ABCB5: variants seen among roughly 807,000 people sequenced by gnomAD.
ABCB5 encodes the protein ATP-binding cassette sub-family B member 5.
In ABCB5, 155 loss-of-function variants were observed where a neutral mutation model predicts 144.2. The ratio of observed to expected loss-of-function variants is 1.08; its 90% CI spans 0.94 to 1.23. The LOEUF is 1.23. Among genes scored for constraint, ABCB5 ranks in the 50% most tolerant of loss-of-function variants. The pLI, the probability that ABCB5 is intolerant of heterozygous loss-of-function variation, is 0.00. For missense variants in ABCB5, 1,830 were observed against 1,520.8 expected (o/e 1.20, Z -3.38); for synonymous variants, 610 against 528.6 (o/e 1.15, Z -2.11).
Position 20,658,641 on chromosome 7 carries a change from G to A in ABCB5, c.1672G>A (p.Glu558Lys), listed in dbSNP as rs1562544342. ...LDEATSALDSESKSAVQAALE... is the reference protein window; with the variant it reads ...LDEATSALDSKSKSAVQAALE... ...TGAGGCTACGTCTGCCCTGGATTCA[G>A]AAAGCAAGTCAGCTGTTCAAGCTGC... Residue 558 changes from glutamate (E) to lysine (K), a missense_variant, in exon 14 of 28, where the codon GAA (glutamate) becomes AAA (lysine). Transcript: ENST00000404938. 2 of 1,614,180 alleles carry A rather than the reference G, an allele frequency of 1.2e-6. No homozygotes were observed. The highest frequency in any genetic ancestry group is 2.2e-5 in the South Asian group (2 of 91,078).
At chr7:20,658,462 C>T (rs1225416482) in intron 13 of ABCB5, 44 bp from the exon 14 acceptor site, 1 of 1,586,356 alleles carries the variant, frequency 6.3e-7, no homozygotes. Flanking sequence ...ACCATTTGAT[C>T]ACGCTGCCTT....
rs1267811679 is a variant in ABCB5 at position 20,681,034 on chromosome 7, CTCTTTCTTTCTT to C, written c.1708-467_1708-456del. 5.2e-4 allele frequency among the ~76,000 whole-genome samples: 12 copies of C among 23,156 alleles called. 1 individual carries two copies. The highest frequency in any genetic ancestry group is 2.0e-3 in the East Asian group (1 of 506). The allele number at this position is 23,156 out of a possible 152,430, so 15.2% of individuals were successfully genotyped here. A position where few individuals can be genotyped will look rare whatever the true frequency, so the allele number is the denominator to read the frequency against. The stretch of plus-strand genomic sequence containing the variant: ...TCTTTCTTTCTTTCTTTCTTTCTTT[CTCTTTCTTTCTT>C]TCTCTCTCTCTCTCTTTCTTTCTTT... On this transcript the variant is annotated intron_variant, in intron 14 of 27. Transcript: ENST00000404938.
chr7:20,624,718 G>A (rs1403951876), intron 2 of ABCB5, among the ~76,000 whole-genome samples: 2 of 152,190 alleles, frequency 1.3e-5, no homozygotes, highest in African/African-American at 4.8e-5. Context: ...GGGCCATGCT[G>A]ATTTGCGCTA....
chr7:20,636,590 T>C (rs1388752781), intron 5 of ABCB5, among the ~76,000 whole-genome samples: 1 of 151,774 alleles, frequency 6.6e-6, no homozygotes, highest in East Asian at 1.9e-4. Flanking sequence ...TTCAAGACCA[T>C]CCTGGCTAAC....
intron 23 of ABCB5, among the ~76,000 whole-genome samples, chr7:20,736,013 C>G (rs73687891): frequency 6.6e-6 from 1 of 151,884 alleles, no homozygotes; most frequent in Non-Finnish European, 1.5e-5. Context: ...GGATTTAGGG[C>G]GGGAAGAGGT....
chr7:20,624,745 A>C (rs1366559600), intron 2 of ABCB5, among the ~76,000 whole-genome samples: 1 of 152,190 alleles, frequency 6.6e-6, no homozygotes, highest in East Asian at 1.9e-4. Context: ...GTACTGGGCC[A>C]CCAACATCGC....
At chr7:20,665,772 C>CATAA in intron 14 of ABCB5, among the ~76,000 whole-genome samples, 1 of 124,556 alleles carries the variant, frequency 8.0e-6, no homozygotes, top group African/African-American at 3.4e-5. Context: ...GATAGAGATA[C>CATAA]ATACATACAT....
intron 1 of ABCB5, among the ~76,000 whole-genome samples, chr7:20,618,759 A>ATTTTTTTTT (rs1387081530): frequency 4.4e-5 from 2 of 45,290 alleles, no homozygotes; most frequent in African/African-American, 7.3e-5. Flanking sequence ...TATGTGCTGC[A>ATTTTTTTTT]TTTTCTTTTT....
intron 20 of ABCB5, among the ~76,000 whole-genome samples, chr7:20,717,764 T>A (rs1190195266): frequency 1.3e-5 from 2 of 151,410 alleles, no homozygotes; most frequent in African/African-American, 4.9e-5. Flanking sequence ...CAAGAATATC[T>A]ATCAGGTTAG....
In ABCB5 at chr7:20,645,970, G is replaced by A. The variant is rs757304617; in HGVS notation, c.813G>A (p.Gln271=). ...GTTCTGTTTTTGTAAGGTATACACA[G>A]AATCTCAAAGATGCAAAGGATTTTG... is the stretch of plus-strand genomic sequence containing the variant. ...AQEKELQRYT[Q]NLKDAKDFGI... Residue 271 remains glutamine, a synonymous_variant, in exon 9 of 28, where the codon CAG becomes CAA. Coordinates refer to ENST00000404938, the MANE Select transcript of ABCB5 (RefSeq NM_001163941.2). 23 of 1,613,428 alleles carry A rather than the reference G, an allele frequency of 1.4e-5. No homozygotes were observed. Among genetic ancestry groups the A allele is most frequent in the Non-Finnish European group, 1.9e-5 (22 of 1,179,668 alleles).
At chr7:20,730,595 C>T (rs1562583542) in intron 23 of ABCB5, among the ~76,000 whole-genome samples, 1 of 152,152 alleles carries the variant, frequency 6.6e-6, no homozygotes, top group South Asian at 2.1e-4. Context: ...CACTATTGCC[C>T]ATGTGAATTT....
intron 1 of ABCB5, 120 bp from the exon 2 acceptor site, chr7:20,623,145 G>A (rs1312345876): frequency 1.7e-5 from 11 of 659,984 alleles, no homozygotes; most frequent in East Asian, 8.7e-5. Context: ...TGGGCAGGGC[G>A]AAATTCTGAG....
chr7:20,651,832 G>A (rs1177044062), intron 13 of ABCB5: 9 of 546,658 alleles, frequency 1.6e-5, no homozygotes, highest in Non-Finnish European at 2.9e-5. Flanking sequence ...CACATTATGA[G>A]ATTTTTTTGT....
Position 20,643,287 on chromosome 7 carries a change from C to T in ABCB5, c.418C>T (p.Arg140Ter), listed in dbSNP as rs753647911. The T allele has an allele frequency of 6.8e-6, 11 of 1,613,672 alleles. No homozygotes were observed. Among genetic ancestry groups the T allele is most frequent in the Admixed American group, 3.3e-5 (2 of 59,944 alleles). Residue 140 changes from arginine (R) to a stop codon, truncating the protein, a stop_gained, in exon 6 of 28, where the codon CGA becomes TGA. Transcript: ENST00000404938. LOFTEE classifies it high-confidence loss of function. The part of the protein sequence containing the change: ...ITAARQTKRI[R>*]KQFFHSVLAQ... ...TGCAGCACGACAGACCAAGAGGATT[C>T]GAAAACAGTTTTTTCATTCAGTTTT...
rs1562551014 is a variant in ABCB5, at chr7:20,667,703, CCCT to C, written c.1707+9028_1707+9030del. Reference sequence around the variant, plus strand: ...CCCCTGCCCCTGCCCCTGCCCCTGCCCCTGCCCCTGCCCCTGCCCCTGCCCCTG... The same window carrying C: ...CCCCTGCCCCTGCCCCTGCCCCTGCCGCCCCTGCCCCTGCCCCTGCCCCTG... On this transcript the variant is annotated intron_variant, in intron 14 of 27. Transcript: ENST00000404938. 142 of 151,020 alleles carry C rather than the reference CCCT, an allele frequency of 9.4e-4. 1 individual carries two copies. Among genetic ancestry groups the C allele is most frequent in the Admixed American group, 2.0e-3 (29 of 14,608 alleles). The allele number at this position is 151,020 out of a possible 1,614,324, so 9.4% of individuals were successfully genotyped here.
chr7:20,692,962 C>T (rs1786284494), intron 16 of ABCB5, among the ~76,000 whole-genome samples: 1 of 152,086 alleles, frequency 6.6e-6, no homozygotes, highest in Non-Finnish European at 1.5e-5. Flanking sequence ...CTTAGTAGAA[C>T]AAGTAAATAG....
At chr7:20,695,572 A>G (rs1473820939) in intron 16 of ABCB5, among the ~76,000 whole-genome samples, 1 of 152,030 alleles carries the variant, frequency 6.6e-6, no homozygotes, top group Admixed American at 6.6e-5. Flanking sequence ...TAAGTCAGAC[A>G]TTACCAAAAT....
At chr7:20,740,699 T>C (rs1364360244) in intron 24 of ABCB5, among the ~76,000 whole-genome samples, 4 of 152,176 alleles carry the variant, frequency 2.6e-5, no homozygotes, top group Admixed American at 6.5e-5. Flanking sequence ...TACAGAACCA[T>C]AGGCATGGCA....
chr7:20,742,160 G>C (rs907127072), intron 24 of ABCB5, among the ~76,000 whole-genome samples: 2 of 152,134 alleles, frequency 1.3e-5, no homozygotes, highest in East Asian at 3.9e-4. Context: ...GATTGCTTGA[G>C]TCCAGGAGTT....
Sources: gnomAD v4.1 joint callset for allele counts (sites outside exome capture counted in the v4.1 genomes callset) on GRCh38, gnomAD v4.1.1 for gene constraint, MANE v1.5 for transcripts, NCBI Gene and HGNC (gene_info 2026-07-23, HGNC 2026-07-21) for gene names.